Variants in NR2F1-AS1 observed in about 807,000 individuals in gnomAD.
The protein encoded by NR2F1-AS1 is NR2F1 regulatory antisense RNA 1.
intron 4 of NR2F1-AS1, among the ~76,000 whole-genome samples, chr5:93,434,915 C>T (rs575094440): frequency 8.5e-5 from 13 of 152,264 alleles, no homozygotes; most frequent in Non-Finnish European, 1.2e-4. Context: ...TCAGGAAGTA[C>T]ATGATATTGG....
intron 4 of NR2F1-AS1, among the ~76,000 whole-genome samples, chr5:93,464,466 T>C (rs1750176278): frequency 6.6e-6 from 1 of 152,214 alleles, no homozygotes; most frequent in African/African-American, 2.4e-5. Flanking sequence ...ACCCTTCTAA[T>C]ATAGTCTTAG....
chr5:93,511,647 T>A (rs1447583946), intron 4 of NR2F1-AS1, among the ~76,000 whole-genome samples: 5 of 152,148 alleles, frequency 3.3e-5, no homozygotes, highest in Non-Finnish European at 7.4e-5. Context: ...TCCCAAGCCA[T>A]GGACCAGTAC....
At chr5:93,478,908 C>T (rs1750543627) in intron 4 of NR2F1-AS1, among the ~76,000 whole-genome samples, 1 of 152,162 alleles carries the variant, frequency 6.6e-6, no homozygotes, top group African/African-American at 2.4e-5. Context: ...AACTGGAAAG[C>T]TTTTAAGAAT....
At chr5:93,439,479 A>G (rs1007876550) in intron 4 of NR2F1-AS1, among the ~76,000 whole-genome samples, 3 of 152,174 alleles carry the variant, frequency 2.0e-5, no homozygotes, top group African/African-American at 7.2e-5. Flanking sequence ...TATTTTTAGT[A>G]GAGACGGGGT....
chr5:93,559,123 C>T (rs76651313), intron 2 of NR2F1-AS1, among the ~76,000 whole-genome samples: 2,569 of 152,342 alleles, frequency 0.017, 76 homozygotes, highest in African/African-American at 0.059. Context: ...TTCATCTACA[C>T]TGAAAATATG....
At chr5:93,462,966 A>G (rs1750131393) in intron 4 of NR2F1-AS1, among the ~76,000 whole-genome samples, 1 of 152,210 alleles carries the variant, frequency 6.6e-6, no homozygotes, top group Non-Finnish European at 1.5e-5. Flanking sequence ...ACATGATAGA[A>G]AAGAAAACCC....
intron 4 of NR2F1-AS1, among the ~76,000 whole-genome samples, chr5:93,497,635 A>G (rs1750991696): frequency 6.6e-6 from 1 of 152,190 alleles, no homozygotes; most frequent in Non-Finnish European, 1.5e-5. Context: ...GTTGCTACCT[A>G]TAAATTCATA....
At chr5:93,424,600 C>T (rs1240233059) in intron 4 of NR2F1-AS1, among the ~76,000 whole-genome samples, 1 of 152,132 alleles carries the variant, frequency 6.6e-6, no homozygotes, top group Non-Finnish European at 1.5e-5. Flanking sequence ...CTCCCTACCA[C>T]CAGCCTCTGC....
chr5:93,422,336 G>C (rs1749106808), intron 4 of NR2F1-AS1: 1 of 152,296 alleles, frequency 6.6e-6, no homozygotes. Context: ...TCCAGCAATT[G>C]GATCTGGTGT....
At chr5:93,451,018 G>A (rs909902894) in intron 4 of NR2F1-AS1, among the ~76,000 whole-genome samples, 8 of 151,050 alleles carry the variant, frequency 5.3e-5, no homozygotes, top group Non-Finnish European at 1.0e-4. Flanking sequence ...ACTGTTGTAG[G>A]TCATTAATAT....
At chr5:93,417,656 C>T (rs1161341545) in intron 4 of NR2F1-AS1, among the ~76,000 whole-genome samples, 1 of 152,226 alleles carries the variant, frequency 6.6e-6, no homozygotes, top group Non-Finnish European at 1.5e-5. Flanking sequence ...TGGTTCTTTT[C>T]ACGGTGTTGT....
chr5:93,558,785 A>C (rs985670089), intron 2 of NR2F1-AS1, among the ~76,000 whole-genome samples: 1 of 152,174 alleles, frequency 6.6e-6, no homozygotes, highest in African/African-American at 2.4e-5. Context: ...AAGGAGCTGT[A>C]ATAGTTTGAA....
chr5:93,559,953 T>C (rs571698839), intron 2 of NR2F1-AS1, among the ~76,000 whole-genome samples: 50 of 152,256 alleles, frequency 3.3e-4, no homozygotes, highest in African/African-American at 1.2e-3. Flanking sequence ...ATGGCACCAA[T>C]AGACATACTC....
chr5:93,528,929 G>A (rs1245903645), intron 4 of NR2F1-AS1, among the ~76,000 whole-genome samples: 1 of 152,050 alleles, frequency 6.6e-6, no homozygotes, highest in Non-Finnish European at 1.5e-5. Context: ...GATAGGATTA[G>A]GAGAAATATC....
intron 4 of NR2F1-AS1, among the ~76,000 whole-genome samples, chr5:93,455,574 A>C (rs1749927740): frequency 6.6e-6 from 1 of 152,192 alleles, no homozygotes; most frequent in Non-Finnish European, 1.5e-5. Context: ...TACTTTAAAC[A>C]TAAAGACACA....
chr5:93,415,617 ATGAAC>A (rs998015894), intron 4 of NR2F1-AS1, among the ~76,000 whole-genome samples: 1 of 152,220 alleles, frequency 6.6e-6, no homozygotes, highest in African/African-American at 2.4e-5. Context: ...CATCAAATTA[ATGAAC>A]TGACTTAACT....
chr5:93,549,688 A>G (rs1315505588), intron 4 of NR2F1-AS1, among the ~76,000 whole-genome samples: 2 of 152,190 alleles, frequency 1.3e-5, no homozygotes, highest in African/African-American at 4.8e-5. Flanking sequence ...AGGATTCTCA[A>G]GACTGAATTT....
chr5:93,488,843 C>G (rs957900685), intron 4 of NR2F1-AS1, among the ~76,000 whole-genome samples: 1 of 152,134 alleles, frequency 6.6e-6, no homozygotes, highest in African/African-American at 2.4e-5. Context: ...GACTTAGAAC[C>G]AACCCAAATG....
At chr5:93,544,949 T>C (rs886213570) in intron 4 of NR2F1-AS1, 29 of 150,822 alleles carry the variant, frequency 1.9e-4, no homozygotes, top group African/African-American at 6.8e-4. Context: ...AGAGTTATTC[T>C]GTAGGTACGT....
Sources: gnomAD v4.1 joint callset for allele counts (sites outside exome capture counted in the v4.1 genomes callset) on GRCh38, gnomAD v4.1.1 for gene constraint, MANE v1.5 for transcripts, NCBI Gene and HGNC (gene_info 2026-07-23, HGNC 2026-07-21) for gene names.